Variants in EXOC6B observed in about 807,000 individuals in gnomAD.
EXOC6B encodes the protein SEC15 homolog B.
A neutral mutation model predicts 113.5 loss-of-function variants in EXOC6B; 54 were observed. The observed-to-expected ratio is 0.48, with a 90% CI of 0.38 to 0.60. EXOC6B has a LOEUF of 0.60. Among genes scored for constraint, EXOC6B ranks in the 20% least tolerant of loss-of-function variants. The pLI is 0.00. For synonymous variants in EXOC6B, 357 were observed against 339.0 expected, an observed-to-expected ratio of 1.05 and a Z score of -0.58; for missense variants, 797 against 977.5, an observed-to-expected ratio of 0.82 and a Z score of 2.46.
intron 6 of EXOC6B, among the ~76,000 whole-genome samples, chr2:72,639,999 G>T (rs542310654): frequency 2.6e-4 from 39 of 152,246 alleles, no homozygotes; most frequent in Admixed American, 1.2e-3. Context: ...CTCAAGCGAG[G>T]GTTCTGATCG....
chr2:72,464,986 A>G (rs1697948852), intron 18 of EXOC6B, 174 bp downstream of exon 18: 5 of 605,248 alleles, frequency 8.3e-6, no homozygotes, highest in Non-Finnish European at 1.4e-5. Flanking sequence ...AGGTCAATGA[A>G]AAAATGATGG....
In EXOC6B at chr2:72,733,838, T is replaced by C. The variant is rs542676803; in HGVS notation, c.280-720A>G. On this transcript the variant is annotated intron_variant, in intron 2 of 21. Coordinates refer to ENST00000272427, the MANE Select transcript of EXOC6B (RefSeq NM_015189.3). ...ACATAAGCAATACTAACTTCTAAAATGTTGTTTAATAAACGCTTTCTAGCC... is the reference window on the plus strand; with the variant it reads ...ACATAAGCAATACTAACTTCTAAAACGTTGTTTAATAAACGCTTTCTAGCC... Among the ~76,000 whole-genome samples the C allele has an allele frequency of 4.1e-4, 63 of 152,328 alleles. 1 individual carries two copies. The highest frequency in any genetic ancestry group is 6.8e-4 in the Non-Finnish European group (46 of 68,022).
At chr2:72,711,416 T>C (rs950339215) in intron 6 of EXOC6B, among the ~76,000 whole-genome samples, 7 of 152,128 alleles carry the variant, frequency 4.6e-5, no homozygotes, top group African/African-American at 1.4e-4. Flanking sequence ...ACAAACGCAA[T>C]GTAAGAACCT....
At chr2:72,239,684 C>A (rs1207864497) in intron 20 of EXOC6B, among the ~76,000 whole-genome samples, 2 of 152,164 alleles carry the variant, frequency 1.3e-5, no homozygotes, top group African/African-American at 4.8e-5. Flanking sequence ...ATCAGCTTAT[C>A]AATTTCTGCA....
chr2:72,326,148 G>A (rs966622021), intron 20 of EXOC6B, among the ~76,000 whole-genome samples: 1 of 152,038 alleles, frequency 6.6e-6, no homozygotes, highest in Non-Finnish European at 1.5e-5. Flanking sequence ...GATGAGATTC[G>A]TGTTCAAAAC....
intron 8 of EXOC6B, among the ~76,000 whole-genome samples, chr2:72,553,385 T>C (rs1703349246): frequency 6.6e-6 from 1 of 152,086 alleles, no homozygotes; most frequent in Non-Finnish European, 1.5e-5. Context: ...AAAATGTAAC[T>C]ACAAATTCAA....
At chr2:72,298,311 C>CT (rs1222559075) in intron 20 of EXOC6B, among the ~76,000 whole-genome samples, 4 of 150,874 alleles carry the variant, frequency 2.7e-5, no homozygotes, top group South Asian at 2.1e-4. Flanking sequence ...GCAACCCCTG[C>CT]TTTTTTTTTA....
intron 20 of EXOC6B, among the ~76,000 whole-genome samples, chr2:72,210,357 A>G (rs1680111186): frequency 6.6e-6 from 1 of 152,244 alleles, no homozygotes; most frequent in South Asian, 2.1e-4. Flanking sequence ...CTAACTTTCC[A>G]TTAATCCTAA....
chr2:72,801,379 A>T (rs1170115015), intron 1 of EXOC6B, among the ~76,000 whole-genome samples: 1 of 152,258 alleles, frequency 6.6e-6, no homozygotes, highest in African/African-American at 2.4e-5. Context: ...CAAAAAATGT[A>T]GAGACAATTA....
intron 18 of EXOC6B, among the ~76,000 whole-genome samples, chr2:72,431,336 G>T (rs901780005): frequency 1.3e-5 from 2 of 151,788 alleles, no homozygotes; most frequent in Non-Finnish European, 1.5e-5. Flanking sequence ...TTAGAGATGG[G>T]GTCTCAGTCT....
intron 18 of EXOC6B, among the ~76,000 whole-genome samples, chr2:72,405,758 G>A (rs1352384559): frequency 6.6e-6 from 1 of 152,184 alleles, no homozygotes. Flanking sequence ...ATGCCAAATT[G>A]TAAAGACCAT....
intron 1 of EXOC6B, among the ~76,000 whole-genome samples, chr2:72,755,779 C>T (rs1485456500): frequency 6.6e-6 from 1 of 152,178 alleles, no homozygotes; most frequent in African/African-American, 2.4e-5. Context: ...GCAACAAGAC[C>T]TGGCTCTGAA....
At chr2:72,335,899 G>A (rs545117055) in intron 19 of EXOC6B, among the ~76,000 whole-genome samples, 6 of 152,148 alleles carry the variant, frequency 3.9e-5, no homozygotes, top group Admixed American at 6.6e-5. Context: ...CTTCTATGTC[G>A]TTAACAAGAA....
chr2:72,540,745 G>A (rs751903918), intron 8 of EXOC6B, among the ~76,000 whole-genome samples: 1 of 152,156 alleles, frequency 6.6e-6, no homozygotes, highest in Non-Finnish European at 1.5e-5. Flanking sequence ...GGTAAATAAA[G>A]TTTTATTGGA....
chr2:72,745,710 G>T (rs944194576), intron 1 of EXOC6B, among the ~76,000 whole-genome samples: 1 of 152,090 alleles, frequency 6.6e-6, no homozygotes, highest in African/African-American at 2.4e-5. Flanking sequence ...TCTACCAAAG[G>T]AAGAGGCAAT....
chr2:72,606,314 T>C (rs1242611343), intron 6 of EXOC6B, among the ~76,000 whole-genome samples: 2 of 152,112 alleles, frequency 1.3e-5, no homozygotes, highest in Non-Finnish European at 2.9e-5. Flanking sequence ...CCACTGCATA[T>C]ATATATATAC....
intron 18 of EXOC6B, among the ~76,000 whole-genome samples, chr2:72,382,956 T>G (rs634574): frequency 0.14 from 20,694 of 152,050 alleles, 1,734 homozygotes; most frequent in African/African-American, 0.24. Flanking sequence ...AAGATTGGAA[T>G]CAGACTCCTT....
chr2:72,267,809 C>T (rs1684227195), intron 20 of EXOC6B, among the ~76,000 whole-genome samples: 1 of 152,120 alleles, frequency 6.6e-6, no homozygotes, highest in Non-Finnish European at 1.5e-5. Context: ...TGGCAGAAGA[C>T]ATTTCTAAGA....
chr2:72,461,877 T>G (rs147479344), intron 18 of EXOC6B: 93 of 152,158 alleles, frequency 6.1e-4, no homozygotes, highest in African/African-American at 2.1e-3. Flanking sequence ...TATTTCTGAG[T>G]AGTTTATAGT....
Sources: allele counts gnomAD v4.1 joint callset (sites outside exome capture counted in the v4.1 genomes callset), GRCh38; gene constraint gnomAD v4.1.1; transcripts MANE v1.5; gene names NCBI Gene and HGNC (gene_info 2026-07-23, HGNC 2026-07-21).